LY9: variants seen among roughly 807,000 people sequenced by gnomAD.
LY9 encodes the protein T-lymphocyte surface antigen Ly-9.
LY9 carries 59 observed loss-of-function variants against 64.6 expected under a neutral mutation model. The ratio of observed to expected loss-of-function variants is 0.91; its 90% CI spans 0.74 to 1.13. The LOEUF (loss-of-function observed/expected upper bound fraction) is 1.13, where lower values mean the gene tolerates loss of function less well. Ranked by LOEUF, LY9 falls within the 50% of genes most tolerant of loss-of-function variation. The pLI, the probability that LY9 is intolerant of heterozygous loss-of-function variation, is 0.00. For missense variants in LY9, 789 were observed against 797.2 expected (o/e 0.99, Z 0.12); for synonymous variants, 281 against 308.5 (o/e 0.91, Z 0.93).
chr1:160,797,394 C>A, intron 1 of LY9: 1 of 478,368 alleles, frequency 2.1e-6, no homozygotes, highest in Non-Finnish European at 2.7e-6. Context: ...AGCTGAGGTC[C>A]AGTCTGACCT....
At chr1:160,816,021 A>C (rs531519) in intron 4 of LY9, among the ~76,000 whole-genome samples, 150,009 of 152,304 alleles carry the variant, frequency 0.98, 73,924 homozygotes, top group East Asian at 1. Flanking sequence ...TTAAAATATG[A>C]AGCAAGTCGG....
rs747832739 is a variant in LY9, at chr1:160,814,458, G to T, written c.769G>T (p.Val257Leu). The change falls in exon 4 of 10, where the codon GTG becomes TTG. Residue 257 changes from valine to leucine, a missense_variant. Coordinates refer to ENST00000263285, the MANE Select transcript of LY9 (RefSeq NM_002348.4). ...CAGAGGAGGAACAACGGGGGAGACT[G>T]TGGTAGGGGTCCTGGGAGAGCCAGT... ...ASRGGTTGETVVGVLGEPVTL... is the reference protein window; with the variant it reads ...ASRGGTTGETLVGVLGEPVTL... The T allele has an allele frequency of 3.1e-6, 5 of 1,613,816 alleles. No homozygotes were observed. Among genetic ancestry groups the T allele is most frequent in the Non-Finnish European group, 4.2e-6 (5 of 1,179,806 alleles).
In LY9 at chr1:160,813,652, C is replaced by G; in HGVS notation, c.471C>G (p.Pro157=). The change falls in exon 3 of 10, where the codon CCC becomes CCG. Residue 157 remains proline, a synonymous_variant. Coordinates refer to ENST00000263285, the MANE Select transcript of LY9 (RefSeq NM_002348.4). The part of the protein sequence containing the change: ...TLFVYEQLQE[P]QVTMKSVKVS... ...TCCCTGCAGAGCAGCTGCAGGAGCC[C>G]CAAGTCACCATGAAGTCTGTGAAGG... 1 of 1,613,814 alleles carries G rather than the reference C, an allele frequency of 6.2e-7. No individual in the cohort carries two copies. Among genetic ancestry groups the G allele is most frequent in the Non-Finnish European group, 8.5e-7 (1 of 1,179,818 alleles).
chr1:160,801,056 C>A (rs1011985962), intron 2 of LY9, among the ~76,000 whole-genome samples: 15 of 152,126 alleles, frequency 9.9e-5, no homozygotes, highest in African/African-American at 3.1e-4. Flanking sequence ...ATATCAATTT[C>A]TTTTCTTTTC....
intron 9 of LY9, among the ~76,000 whole-genome samples, chr1:160,827,396 T>C (rs1356834347): frequency 6.6e-6 from 1 of 152,192 alleles, no homozygotes; most frequent in Non-Finnish European, 1.5e-5. Flanking sequence ...ATCTAAATTA[T>C]CTTCTTATAA....
chr1:160,814,838 C>G, intron 4 of LY9, 77 bp downstream of exon 4: 2 of 1,222,334 alleles, frequency 1.6e-6, no homozygotes, highest in Non-Finnish European at 2.3e-6. Flanking sequence ...CTCCACCTTC[C>G]GCTTCTCCAA....
At chr1:160,822,380 G>T (rs981211938) in intron 7 of LY9, among the ~76,000 whole-genome samples, 3 of 152,150 alleles carry the variant, frequency 2.0e-5, no homozygotes, top group Admixed American at 6.5e-5. Context: ...AAGGCTGGTT[G>T]CCGCACCCTA....
At chr1:160,819,473 C>A in intron 7 of LY9, 99 bp downstream of exon 7, 1 of 1,062,322 alleles carries the variant, frequency 9.4e-7, no homozygotes. Context: ...GCAGTGTGGG[C>A]ATCACCCAGG....
rs1667998412 is a variant in LY9, at chr1:160,816,858, G to T, written c.1337G>T (p.Cys446Phe). 6.2e-7 allele frequency: 1 copy of T among 1,614,184 alleles called. No homozygotes were observed. Among genetic ancestry groups the T allele is most frequent in the Non-Finnish European group, 8.5e-7 (1 of 1,180,030 alleles). The change falls in exon 5 of 10, where the codon TGT becomes TTT. Residue 446 changes from cysteine (C) to phenylalanine (F), a missense_variant. Transcript: ENST00000263285. Reference sequence around the variant, plus strand: ...CACCAGTTTCTTTCTGAGAACATCTGTTCAGGTTTCTCTCCATCTCTATTT... The same window carrying T: ...CACCAGTTTCTTTCTGAGAACATCTTTTCAGGTTTCTCTCCATCTCTATTT... ...SSHQFLSENI[C>F]SGPERNTKLW...
intron 2 of LY9, chr1:160,801,887 T>G: frequency 6.2e-7 from 1 of 1,614,060 alleles, no homozygotes; most frequent in African/African-American, 1.3e-5. Context: ...GCACCCTGGC[T>G]GAGCCACGTG....
chr1:160,826,408 A>T (rs1361018678), intron 9 of LY9, among the ~76,000 whole-genome samples: 1 of 152,182 alleles, frequency 6.6e-6, no homozygotes, highest in Non-Finnish European at 1.5e-5. Flanking sequence ...CAGTTCAAAC[A>T]TATGTTGCAC....
Position 160,801,995 on chromosome 1 carries a change from T to C in LY9, c.454+1913T>C, listed in dbSNP as rs531232477. On this transcript the variant is annotated intron_variant, in intron 2 of 9. Transcript: ENST00000263285. ...CCGCGCAGCAGAGCTGGAAGGGTCC[T>C]GCCGATGGGACCCTGCCAGGCCCAG... 2.0e-5 allele frequency: 31 copies of C among 1,557,282 alleles called. No homozygotes were observed. The African/African-American group carries it at 3.5e-4, about 18-fold the overall frequency.
In LY9 at chr1:160,814,673, G is replaced by A; in HGVS notation, c.984G>A (p.Lys328=). 6.2e-7 allele frequency: 1 copy of A among 1,614,238 alleles called. No individual in the cohort carries two copies. Among genetic ancestry groups the A allele is most frequent in the South Asian group, 1.1e-5 (1 of 91,086 alleles). ...GCTCCCTGAAGATCAGCCAGCTGAAGATAGAGGACGCCGGCCCCTACCATG... is the reference window on the plus strand; with the variant it reads ...GCTCCCTGAAGATCAGCCAGCTGAAAATAGAGGACGCCGGCCCCTACCATG... ...QDCSLKISQL[K]IEDAGPYHAY... is the part of the protein sequence containing the mutation. The change falls in exon 4 of 10, where the codon AAG becomes AAA. Residue 328 remains lysine (K), a synonymous_variant. Transcript: ENST00000263285.
At chr1:160,818,351 T>G (rs1668118538) in intron 6 of LY9, 32 bp downstream of exon 6, 1 of 1,519,914 alleles carries the variant, frequency 6.6e-7, no homozygotes, top group South Asian at 1.1e-5. Context: ...TGTCCGCCAG[T>G]GCTAGGCCAT....
chr1:160,803,289 A>ATT (rs149273101), intron 2 of LY9, among the ~76,000 whole-genome samples: 160 of 151,258 alleles, frequency 1.1e-3, no homozygotes, highest in Middle Eastern at 3.4e-3. Context: ...TCTAAAAAAA[A>ATT]ATTTTTTTTT....
chr1:160,827,649 G>C, intron 9 of LY9, 99 bp from the exon 10 acceptor site: 4 of 882,730 alleles, frequency 4.5e-6, no homozygotes, highest in Non-Finnish European at 7.0e-6. Flanking sequence ...ACTTCTGTAG[G>C]ATGGACCAGT....
chr1:160,801,983 CT>C, intron 2 of LY9: 1 of 1,574,942 alleles, frequency 6.3e-7, no homozygotes, highest in Non-Finnish European at 8.6e-7. Flanking sequence ...CGCAGCAGAG[CT>C]GGAAGGGTCC....
intron 8 of LY9, 67 bp from the exon 9 acceptor site, chr1:160,824,114 G>T (rs878976196): frequency 6.3e-7 from 1 of 1,590,984 alleles, no homozygotes; most frequent in Non-Finnish European, 8.6e-7. Context: ...TCTCCTCAAG[G>T]GTTGAGGGTA....
In LY9 at chr1:160,823,703, C is replaced by G; in HGVS notation, c.1737C>G (p.Gly579=). 6.2e-7 allele frequency: 1 copy of G among 1,614,138 alleles called. No homozygotes were observed. The highest frequency in any genetic ancestry group is 8.5e-7 in the Non-Finnish European group (1 of 1,179,996). ...CTGGACATGACCCAGCCCCTGAGGG[C>G]CAAGCAGACTATGATCCCGTCACTC... ...EGAGHDPAPE[G]QADYDPVTPY... is the part of the protein sequence containing the mutation. Residue 579 remains glycine, a synonymous_variant, in exon 8 of 10, where the codon GGC becomes GGG. Coordinates refer to ENST00000263285, the MANE Select transcript of LY9 (RefSeq NM_002348.4).
Sources: allele counts gnomAD v4.1 joint callset (sites outside exome capture counted in the v4.1 genomes callset), GRCh38; gene constraint gnomAD v4.1.1; transcripts MANE v1.5; gene names NCBI Gene and HGNC (gene_info 2026-07-23, HGNC 2026-07-21).